The following IGF1R variants were observed in gnomAD, a reference collection of about 807,000 sequenced individuals.
The protein encoded by IGF1R is insulin-like growth factor 1 receptor.
Under a neutral mutation model 144.6 loss-of-function variants are expected in IGF1R, and 44 were observed. The ratio of observed to expected loss-of-function variants is 0.30; its 90% CI spans 0.24 to 0.39. IGF1R has a LOEUF of 0.39. Ranked by LOEUF, IGF1R falls within the 10% of genes least tolerant of loss-of-function variation. IGF1R has a pLI of 1.00. For missense variants in IGF1R, 1,355 were observed against 1,833.7 expected (o/e 0.74, Z 4.77); for synonymous variants, 795 against 722.8 (o/e 1.10, Z -1.60).
chr15:98,690,004 T>A (rs1274473628), intron 1 of IGF1R, among the ~76,000 whole-genome samples: 1 of 152,134 alleles, frequency 6.6e-6, no homozygotes, highest in African/African-American at 2.4e-5. Context: ...AAGTAAGGAA[T>A]GAACTTTGAG....
intron 17 of IGF1R, among the ~76,000 whole-genome samples, chr15:98,936,689 C>A (rs1370954700): frequency 6.6e-6 from 1 of 151,382 alleles, no homozygotes. Context: ...AATTTTAGTT[C>A]CAAACACCTG....
chr15:98,809,026 A>G (rs1323576895), intron 2 of IGF1R, among the ~76,000 whole-genome samples: 1 of 152,190 alleles, frequency 6.6e-6, no homozygotes, highest in African/African-American at 2.4e-5. Flanking sequence ...GAAGCTGCTC[A>G]AGACATTTAC....
chr15:98,772,338 C>T (rs1317763125), intron 2 of IGF1R, among the ~76,000 whole-genome samples: 3 of 151,798 alleles, frequency 2.0e-5, no homozygotes, highest in Admixed American at 6.6e-5. Flanking sequence ...TTTTGATATA[C>T]TGTTGTTTTC....
At position 98,959,242 on chromosome 15, in the gene IGF1R, G is replaced by T. The variant is rs981233780; in HGVS notation, c.*1800G>T. 8.6e-6 allele frequency: 2 copies of T among 233,310 alleles called. No homozygotes were observed. The highest frequency in any genetic ancestry group is 1.7e-5 in the Non-Finnish European group (2 of 117,896). The allele number at this position is 233,310 out of a possible 1,614,324, so 14.5% of individuals were successfully genotyped here. A position where few individuals can be genotyped will look rare whatever the true frequency, so the allele number is the denominator to read the frequency against. On this transcript the variant is annotated 3_prime_UTR_variant, in exon 21 of 21. Transcript: ENST00000650285. The stretch of plus-strand genomic sequence containing the variant: ...CTTGGGTACAACAGCAGTGTTAACC[G>T]CAGACACTAGGCATTTGGATTACTA...
At chr15:98,846,312 TAA>T (rs1487124100) in intron 2 of IGF1R, among the ~76,000 whole-genome samples, 1 of 152,194 alleles carries the variant, frequency 6.6e-6, no homozygotes, top group Non-Finnish European at 1.5e-5. Context: ...ACTGCTCTGA[TAA>T]AGTTATCAAG....
chr15:98,676,780 A>G (rs1271254891), intron 1 of IGF1R, among the ~76,000 whole-genome samples: 3 of 152,200 alleles, frequency 2.0e-5, no homozygotes, highest in African/African-American at 7.2e-5. Flanking sequence ...CTCAACTATT[A>G]TCTATCTATG....
chr15:98,758,219 T>C (rs1270523546), intron 2 of IGF1R, among the ~76,000 whole-genome samples: 1 of 152,106 alleles, frequency 6.6e-6, no homozygotes, highest in Non-Finnish European at 1.5e-5. Context: ...TTTTTTTTTT[T>C]TAATTCCTGA....
chr15:98,872,157 T>G (rs1471794381), intron 2 of IGF1R, among the ~76,000 whole-genome samples: 1 of 152,250 alleles, frequency 6.6e-6, no homozygotes, highest in African/African-American at 2.4e-5. Flanking sequence ...AAATGAAGAT[T>G]ATTTTCGAGC....
intron 2 of IGF1R, among the ~76,000 whole-genome samples, chr15:98,747,703 A>G (rs1188319393): frequency 2.6e-5 from 4 of 152,170 alleles, no homozygotes; most frequent in African/African-American, 9.7e-5. Flanking sequence ...AGTGAGTTAA[A>G]TGGTGGGTTG....
At chr15:98,950,666 A>C (rs2016738242) in intron 20 of IGF1R, among the ~76,000 whole-genome samples, 1 of 151,888 alleles carries the variant, frequency 6.6e-6, no homozygotes, top group Non-Finnish European at 1.5e-5. Flanking sequence ...TTTTTACCTG[A>C]TAAAGTCAGA....
In IGF1R at chr15:98,869,434, CTT is replaced by C. The variant is rs60569365; in HGVS notation, c.641-21874_641-21873del. 5.2e-4 allele frequency among the ~76,000 whole-genome samples: 70 copies of C among 134,854 alleles called. 1 individual carries two copies. Among genetic ancestry groups the C allele is most frequent in the Non-Finnish European group, 3.2e-4 (20 of 63,228 alleles). The allele number at this position is 134,854 out of a possible 152,430, so 88.5% of individuals were successfully genotyped here. ...CCTGGAACCTGGCTCCCTTGAGATTCTTTTTTTTTTTTTTTTTTAGACGGCGT... is the reference window on the plus strand; with the variant it reads ...CCTGGAACCTGGCTCCCTTGAGATTCTTTTTTTTTTTTTTTTAGACGGCGT... On this transcript the variant is annotated intron_variant, in intron 2 of 20. Coordinates refer to ENST00000650285, the MANE Select transcript of IGF1R (RefSeq NM_000875.5).
intron 10 of IGF1R, among the ~76,000 whole-genome samples, chr15:98,921,573 C>T (rs900418218): frequency 6.6e-6 from 1 of 151,864 alleles, no homozygotes; most frequent in African/African-American, 2.4e-5. Flanking sequence ...GGGGTGGGCT[C>T]GCAGCAGGAG....
At chr15:98,665,184 C>T (rs2052705007) in intron 1 of IGF1R, among the ~76,000 whole-genome samples, 1 of 152,130 alleles carries the variant, frequency 6.6e-6, no homozygotes, top group African/African-American at 2.4e-5. Flanking sequence ...ATCTCCTGAC[C>T]TTGTGATCCG....
At chr15:98,659,612 G>C (rs532907632) in intron 1 of IGF1R, among the ~76,000 whole-genome samples, 190 of 152,300 alleles carry the variant, frequency 1.2e-3, no homozygotes, top group Non-Finnish European at 2.1e-3. Context: ...TGTCCTGAGA[G>C]AATTAGGGTC....
chr15:98,745,849 G>A (rs2141323546), intron 2 of IGF1R, among the ~76,000 whole-genome samples: 1 of 152,320 alleles, frequency 6.6e-6, no homozygotes, highest in Non-Finnish European at 1.5e-5. Context: ...AGGCAAATTG[G>A]CGTTATAAAT....
At chr15:98,850,931 C>A (rs557455380) in intron 2 of IGF1R, among the ~76,000 whole-genome samples, 4 of 152,114 alleles carry the variant, frequency 2.6e-5, no homozygotes, top group Non-Finnish European at 5.9e-5. Context: ...GAATATAACA[C>A]CTTGCCCTGG....
chr15:98,926,412 A>G (rs1414347260), intron 13 of IGF1R, among the ~76,000 whole-genome samples: 1 of 122,204 alleles, frequency 8.2e-6, no homozygotes, highest in Non-Finnish European at 1.8e-5. Flanking sequence ...TGACAGTAAT[A>G]ATGATGTATT....
chr15:98,688,167 G>A (rs903986741), intron 1 of IGF1R, among the ~76,000 whole-genome samples: 1 of 152,116 alleles, frequency 6.6e-6, no homozygotes, highest in Non-Finnish European at 1.5e-5. Context: ...CTAGATTCTT[G>A]TTTCACGGGT....
At chr15:98,893,934 G>GT (rs2014052684) in intron 3 of IGF1R, among the ~76,000 whole-genome samples, 1 of 152,024 alleles carries the variant, frequency 6.6e-6, no homozygotes, top group Admixed American at 6.5e-5. Context: ...TTTTCATCTT[G>GT]TTTATACCTT....
Sources: allele counts gnomAD v4.1 joint callset (sites outside exome capture counted in the v4.1 genomes callset), GRCh38; gene constraint gnomAD v4.1.1; transcripts MANE v1.5; gene names NCBI Gene and HGNC (gene_info 2026-07-23, HGNC 2026-07-21).